SLC35A5: variants seen among roughly 807,000 people sequenced by gnomAD.
SLC35A5 encodes the protein UDP-sugar transporter protein SLC35A5.
In SLC35A5, 28 loss-of-function variants were observed where a neutral mutation model predicts 36.3. The observed-to-expected ratio is 0.77, with a 90% CI of 0.57 to 1.06. SLC35A5 has a LOEUF of 1.06. Among genes scored for constraint, SLC35A5 ranks in the 50% least tolerant of loss-of-function variants. The pLI, the probability that SLC35A5 is intolerant of heterozygous loss-of-function variation, is 0.00. For missense variants in SLC35A5, 521 were observed against 499.3 expected (o/e 1.04, Z -0.41); for synonymous variants, 180 against 173.7 (o/e 1.04, Z -0.29).
At chr3:112,575,955 T>A (rs2107439315) in intron 5 of SLC35A5, among the ~76,000 whole-genome samples, 1 of 152,138 alleles carries the variant, frequency 6.6e-6, no homozygotes, top group East Asian at 1.9e-4. Context: ...AGACAGAGTT[T>A]CACCATTTTG....
chr3:112,581,312 G>T lies in SLC35A5; in HGVS notation c.1195G>T (p.Glu399Ter). The T allele has an allele frequency of 6.2e-7, 1 of 1,608,088 alleles. No individual in the cohort carries two copies. The highest frequency in any genetic ancestry group is 1.1e-5 in the South Asian group (1 of 90,238). ...CCGAGATCTAAGTGGCAATCTTTGG[G>T]AGCGTTCCAGTGGGGTAAGTTTGTG... is the stretch of plus-strand genomic sequence containing the variant. ...RIRDLSGNLW[E>*]RSSGDGEELE... is the part of the protein sequence containing the mutation. Residue 399 changes from glutamate to a stop codon, truncating the protein, a stop_gained, in exon 6 of 7, where the codon GAG becomes TAG. Coordinates refer to ENST00000492406, the MANE Select transcript of SLC35A5 (RefSeq NM_017945.5). LOFTEE classifies it high-confidence loss of function.
At chr3:112,575,769 T>C (rs1023874420) in intron 5 of SLC35A5, among the ~76,000 whole-genome samples, 2 of 149,682 alleles carry the variant, frequency 1.3e-5, no homozygotes, top group African/African-American at 4.9e-5. Flanking sequence ...TTTTTTTTTT[T>C]TTTTTTTTGA....
chr3:112,577,493 T>C (rs950903891), intron 5 of SLC35A5, among the ~76,000 whole-genome samples: 1 of 152,266 alleles, frequency 6.6e-6, no homozygotes, highest in Non-Finnish European at 1.5e-5. Flanking sequence ...GCCTTGTAGC[T>C]TGCTTCCCTG....
At position 112,582,790 on chromosome 3, in the gene SLC35A5, G is replaced by A; in HGVS notation, c.*54G>A. On this transcript the variant is annotated 3_prime_UTR_variant, in exon 7 of 7. Coordinates refer to ENST00000492406, the MANE Select transcript of SLC35A5 (RefSeq NM_017945.5). ...TGAACCTTATTTTCACATTTTCAGT[G>A]TTTGTAATATTTATCTTTTCACTTT... 1 of 1,372,536 alleles carries A rather than the reference G, an allele frequency of 7.3e-7. No individual in the cohort carries two copies. Among genetic ancestry groups the A allele is most frequent in the Non-Finnish European group, 1.0e-6 (1 of 970,380 alleles). The allele number at this position is 1,372,536 out of a possible 1,614,324, so 85.0% of individuals were successfully genotyped here. A position where few individuals can be genotyped will look rare whatever the true frequency, so the allele number is the denominator to read the frequency against.
Position 112,583,265 on chromosome 3 carries a change from A to G in SLC35A5, c.*529A>G, listed in dbSNP as rs1935014431. The G allele has an allele frequency of 1.8e-5, 7 of 396,074 alleles. No individual in the cohort carries two copies. The highest frequency in any genetic ancestry group is 2.7e-5 in the Non-Finnish European group (6 of 224,810). The allele number at this position is 396,074 out of a possible 1,614,324, so 24.5% of individuals were successfully genotyped here. A position where few individuals can be genotyped will look rare whatever the true frequency, so the allele number is the denominator to read the frequency against. On this transcript the variant is annotated 3_prime_UTR_variant, in exon 7 of 7. Transcript: ENST00000492406. ...AAGGACCTAAATACCTGGCCATACCATAGATTTGGGATGATGTAGTCTGTG... is the reference window on the plus strand; with the variant it reads ...AAGGACCTAAATACCTGGCCATACCGTAGATTTGGGATGATGTAGTCTGTG...
chr3:112,581,255 G>A lies in SLC35A5; in HGVS notation c.1138G>A (p.Val380Ile). The A allele has an allele frequency of 6.2e-7, 1 of 1,613,792 alleles. No individual in the cohort carries two copies. The highest frequency in any genetic ancestry group is 8.5e-7 in the Non-Finnish European group (1 of 1,179,894). The change falls in exon 6 of 7, where the codon GTT becomes ATT. Residue 380 changes from valine (V) to isoleucine (I), a missense_variant. Physicochemically the swap from Val to Ile is conservative, Grantham distance 29. Coordinates refer to ENST00000492406, the MANE Select transcript of SLC35A5 (RefSeq NM_017945.5). The stretch of plus-strand genomic sequence containing the variant: ...TATTTATAATGCCAGCAAGCCTCAA[G>A]TTCCGGAATACGCACCTAGGCAAGA... ...IFIYNASKPQ[V>I]PEYAPRQERI...
intron 5 of SLC35A5, among the ~76,000 whole-genome samples, chr3:112,574,399 A>G (rs1373414672): frequency 7.0e-6 from 1 of 142,434 alleles, no homozygotes; most frequent in African/African-American, 3.1e-5. Context: ...TTTAAGCACT[A>G]ATTAGCAGAG....
intron 4 of SLC35A5, among the ~76,000 whole-genome samples, chr3:112,572,814 G>A (rs1416748651): frequency 1.3e-5 from 2 of 152,130 alleles, no homozygotes; most frequent in African/African-American, 2.4e-5. Flanking sequence ...TCATCAAGCC[G>A]TCAGGCTGCA....
At chr3:112,569,651 G>C (rs1358002023) in intron 3 of SLC35A5, among the ~76,000 whole-genome samples, 1 of 152,210 alleles carries the variant, frequency 6.6e-6, no homozygotes, top group Non-Finnish European at 1.5e-5. Context: ...AGGTAGCATA[G>C]TGCACAGGCA....
intron 6 of SLC35A5, among the ~76,000 whole-genome samples, chr3:112,582,072 G>C: frequency 6.6e-6 from 1 of 152,086 alleles, no homozygotes; most frequent in African/African-American, 2.4e-5. Flanking sequence ...AAGTGAAATA[G>C]ACATCTAGCT....
At chr3:112,580,452 A>G in intron 5 of SLC35A5, 94 bp from the exon 6 acceptor site, 3 of 1,386,610 alleles carry the variant, frequency 2.2e-6, no homozygotes, top group Non-Finnish European at 1.9e-6. Context: ...GGTCCAGTTT[A>G]TTCAACCAAA....
In SLC35A5 at chr3:112,563,500, C is replaced by A; in HGVS notation, c.97C>A (p.Arg33Ser). 3 of 1,606,372 alleles carry A rather than the reference C, an allele frequency of 1.9e-6. No homozygotes were observed. Among genetic ancestry groups the A allele is most frequent in the Non-Finnish European group, 2.6e-6 (3 of 1,174,272 alleles). ...GAIFIALSSS[R>S]ILLVKYSANE... ...CATATTCATTGCTTTAAGCTCAAGT[C>A]GCATCTTACTAGTGAAGTATTCTGC... is the stretch of plus-strand genomic sequence containing the variant. The change falls in exon 2 of 7, where the codon CGC (arginine) becomes AGC (serine). Residue 33 changes from arginine (R) to serine (S), a missense_variant. Coordinates refer to ENST00000492406, the MANE Select transcript of SLC35A5 (RefSeq NM_017945.5).
chr3:112,561,431 C>T (rs368990423), upstream of SLC35A5: 11 of 1,610,304 alleles, frequency 6.8e-6, 1 homozygote, highest in East Asian at 2.2e-5. Flanking sequence ...TGCCTGACAG[C>T]TCCCGGCAAC....
intron 6 of SLC35A5, 91 bp downstream of exon 6, chr3:112,581,417 G>A: frequency 7.9e-7 from 1 of 1,263,302 alleles, no homozygotes; most frequent in Non-Finnish European, 1.1e-6. Flanking sequence ...GTACTGATTT[G>A]TCAAAGAATG....
intron 6 of SLC35A5, 58 bp downstream of exon 6, chr3:112,581,384 A>G: frequency 2.2e-5 from 33 of 1,490,418 alleles, no homozygotes; most frequent in Non-Finnish European, 3.0e-5. Context: ...AGCATAGTTA[A>G]TTCAAGGAAA....
intron 4 of SLC35A5, among the ~76,000 whole-genome samples, chr3:112,571,871 A>T (rs1452623044): frequency 6.6e-6 from 1 of 151,138 alleles, no homozygotes; most frequent in African/African-American, 2.4e-5. Flanking sequence ...GGTGGGACAC[A>T]GCCAAACCCT....
Position 112,582,727 on chromosome 3 carries a change from T to G in SLC35A5, c.1266T>G (p.Asp422Glu). 1.2e-6 allele frequency: 2 copies of G among 1,612,118 alleles called. No individual in the cohort carries two copies. The highest frequency in any genetic ancestry group is 1.7e-5 in the Admixed American group (1 of 59,930). ...CCAAGAGTGATGAGTCAGATGAAGA[T>G]ACTTTCTAACTGGTACCCACATAGT... ...TKPKSDESDE[D>E]TF Residue 422 changes from aspartate to glutamate, a missense_variant, in exon 7 of 7, where the codon GAT becomes GAG. Physicochemically the swap from Asp to Glu is conservative, Grantham distance 45. Coordinates refer to ENST00000492406, the MANE Select transcript of SLC35A5 (RefSeq NM_017945.5).
In SLC35A5 at chr3:112,583,346, T is replaced by C. The variant is rs755713738; in HGVS notation, c.*610T>C. The C allele has an allele frequency of 2.3e-5, 9 of 386,354 alleles. No homozygotes were observed. The highest frequency in any genetic ancestry group is 3.7e-5 in the Non-Finnish European group (8 of 218,448). The allele number at this position is 386,354 out of a possible 1,614,324, so 23.9% of individuals were successfully genotyped here. ...AGACACAACATCTCAGAATTTTAATTTTTAGAAATTCATGGGAAATTGGAT... is the reference window on the plus strand; with the variant it reads ...AGACACAACATCTCAGAATTTTAATCTTTAGAAATTCATGGGAAATTGGAT... On this transcript the variant is annotated 3_prime_UTR_variant, in exon 7 of 7. Coordinates refer to ENST00000492406, the MANE Select transcript of SLC35A5 (RefSeq NM_017945.5).
At chr3:112,573,407 GGTATTGAGTTACT>G (rs1934535418) in intron 4 of SLC35A5, among the ~76,000 whole-genome samples, 1 of 152,152 alleles carries the variant, frequency 6.6e-6, no homozygotes, top group Non-Finnish European at 1.5e-5. Context: ...GTATGAGTTT[GGTATTGAGTTACT>G]GCAGTTCAAC....
Sources: gnomAD v4.1 joint callset for allele counts (sites outside exome capture counted in the v4.1 genomes callset) on GRCh38, gnomAD v4.1.1 for gene constraint, MANE v1.5 for transcripts, NCBI Gene and HGNC (gene_info 2026-07-23, HGNC 2026-07-21) for gene names.